Variants in CERT1 observed in about 807,000 individuals in gnomAD.
CERT1 encodes the protein ceramide transfer protein.
A neutral mutation model predicts 87.9 loss-of-function variants in CERT1; 31 were observed. The observed-to-expected ratio is 0.35, with a 90% CI of 0.27 to 0.48. The LOEUF (loss-of-function observed/expected upper bound fraction) is 0.48. CERT1 is among the 20% of genes least tolerant of loss of function. CERT1 has a pLI of 0.99. For missense variants in CERT1, 487 were observed against 758.0 expected (o/e 0.64, Z 4.20); for synonymous variants, 289 against 250.9 (o/e 1.15, Z -1.44).
chr5:75,474,266 G>C (rs1765855154), intron 2 of CERT1, among the ~76,000 whole-genome samples: 1 of 152,092 alleles, frequency 6.6e-6, no homozygotes, highest in Non-Finnish European at 1.5e-5. Flanking sequence ...TTAGTGTTGT[G>C]AGCCCTTAAA....
At chr5:75,385,306 C>T (rs1205049101) in intron 13 of CERT1, among the ~76,000 whole-genome samples, 2 of 152,060 alleles carry the variant, frequency 1.3e-5, no homozygotes, top group Non-Finnish European at 2.9e-5. Flanking sequence ...AACCCCGTCT[C>T]TACTAAAAAT....
At position 75,389,691 on chromosome 5, in the gene CERT1, G is replaced by C. The variant is rs1180594412; in HGVS notation, c.1189-4C>G. The C allele has an allele frequency of 6.2e-7, 1 of 1,610,128 alleles. No homozygotes were observed. The highest frequency in any genetic ancestry group is 8.5e-7 in the Non-Finnish European group (1 of 1,176,424). On this transcript the variant is annotated splice_polypyrimidine_tract_variant and splice_region_variant and intron_variant, in intron 11 of 16. Coordinates refer to ENST00000643780, the MANE Select transcript of CERT1 (RefSeq NM_001379029.1). ...GGTTCTGCACCATCTCTTCAACCTT[G>C]AGAAGGGAGGAAAAAGGCATGAGAA...
chr5:75,410,879 G>A (rs1762909011), intron 8 of CERT1, 132 bp downstream of exon 8: 1 of 479,154 alleles, frequency 2.1e-6, no homozygotes, highest in Non-Finnish European at 3.6e-6. Flanking sequence ...AATATACACT[G>A]AATTAACATA....
At chr5:75,435,961 A>G (rs1304941290) in intron 3 of CERT1, among the ~76,000 whole-genome samples, 1 of 152,050 alleles carries the variant, frequency 6.6e-6, no homozygotes, top group Non-Finnish European at 1.5e-5. Context: ...GTGTCCTCAT[A>G]TATTTGTGTA....
At chr5:75,478,095 C>T (rs1459030747) in intron 2 of CERT1, among the ~76,000 whole-genome samples, 1 of 151,978 alleles carries the variant, frequency 6.6e-6, no homozygotes, top group African/African-American at 2.4e-5. Context: ...GGCAGATCAC[C>T]TGAAGTCAGG....
chr5:75,420,046 G>A (rs1214674110), intron 5 of CERT1, among the ~76,000 whole-genome samples: 1 of 150,798 alleles, frequency 6.6e-6, no homozygotes, highest in East Asian at 2.0e-4. Flanking sequence ...GCATGGTCTC[G>A]GCTCACTGCA....
At chr5:75,410,239 C>T (rs988244736) in intron 8 of CERT1, among the ~76,000 whole-genome samples, 10 of 151,974 alleles carry the variant, frequency 6.6e-5, no homozygotes, top group Non-Finnish European at 1.0e-4. Flanking sequence ...AACAAATAAA[C>T]ACAAGGAGAA....
At chr5:75,429,175 G>GAATAATAAT (rs35760935) in intron 3 of CERT1, among the ~76,000 whole-genome samples, 37 of 143,844 alleles carry the variant, frequency 2.6e-4, no homozygotes, top group African/African-American at 7.7e-4. Flanking sequence ...AATAGAAACT[G>GAATAATAAT]AATAATAATA....
chr5:75,493,430 G>A (rs1766898584), intron 2 of CERT1, among the ~76,000 whole-genome samples: 1 of 152,132 alleles, frequency 6.6e-6, no homozygotes, highest in Non-Finnish European at 1.5e-5. Flanking sequence ...TACTCGCTTG[G>A]TGATTTGGAT....
intron 6 of CERT1, among the ~76,000 whole-genome samples, 188 bp from the exon 7 acceptor site, chr5:75,417,221 T>A (rs1763169126): frequency 6.6e-6 from 1 of 152,218 alleles, no homozygotes; most frequent in Non-Finnish European, 1.5e-5. Context: ...CGTGGCAGCA[T>A]ATGTACTTTC....
At chr5:75,411,310 T>C (rs1211901059) in intron 7 of CERT1, among the ~76,000 whole-genome samples, 1 of 152,092 alleles carries the variant, frequency 6.6e-6, no homozygotes, top group Non-Finnish European at 1.5e-5. Flanking sequence ...TATTTATGTA[T>C]GTATGTATGT....
In CERT1 at chr5:75,493,504, T is replaced by C. The variant is rs1303284430; in HGVS notation, c.231+12478A>G. 3.3e-5 allele frequency among the ~76,000 whole-genome samples: 5 copies of C among 152,252 alleles called. No homozygotes were observed. The East Asian group carries it at 9.6e-4, about 29-fold the overall frequency. On this transcript the variant is annotated intron_variant, in intron 2 of 16. Coordinates refer to ENST00000643780, the MANE Select transcript of CERT1 (RefSeq NM_001379029.1). ...AAGAATGTAGGCATCAGCCATTGCA[T>C]CTTAGTTTCCAGCACTGCTTTTGAG...
chr5:75,382,742 C>T (rs1055006161), intron 14 of CERT1, among the ~76,000 whole-genome samples: 12 of 151,246 alleles, frequency 7.9e-5, no homozygotes, highest in South Asian at 2.1e-4. Flanking sequence ...TGTTATGCAG[C>T]GTCATTCCTG....
intron 7 of CERT1, 22 bp downstream of exon 7, chr5:75,416,854 A>C: frequency 1.3e-6 from 2 of 1,561,342 alleles, no homozygotes; most frequent in South Asian, 2.4e-5. Flanking sequence ...TTATTTTTAA[A>C]AGGAAAAAAA....
chr5:75,383,955 G>A (rs1254050233), intron 14 of CERT1, among the ~76,000 whole-genome samples: 1 of 152,084 alleles, frequency 6.6e-6, no homozygotes, highest in African/African-American at 2.4e-5. Flanking sequence ...AAGGTGAAAG[G>A]GAGCTAACTT....
intron 3 of CERT1, among the ~76,000 whole-genome samples, chr5:75,426,872 CA>C (rs1211756627): frequency 2.6e-5 from 4 of 152,164 alleles, no homozygotes; most frequent in Non-Finnish European, 4.4e-5. Context: ...GACGGTTGAA[CA>C]ATAGTGTGAA....
At chr5:75,425,540 A>C in intron 4 of CERT1, 41 bp from the exon 5 acceptor site, 2 of 1,600,564 alleles carry the variant, frequency 1.2e-6, no homozygotes, top group Non-Finnish European at 1.7e-6. Flanking sequence ...CAAGTAAAAC[A>C]AAACTGGATT....
chr5:75,463,281 T>C (rs1401818615), intron 2 of CERT1, among the ~76,000 whole-genome samples: 1 of 152,168 alleles, frequency 6.6e-6, no homozygotes, highest in Admixed American at 6.5e-5. Flanking sequence ...CCAAACCCTC[T>C]ACCCCACAAT....
At chr5:75,444,559 T>TC (rs1421191977) in intron 3 of CERT1, among the ~76,000 whole-genome samples, 1 of 148,854 alleles carries the variant, frequency 6.7e-6, no homozygotes, top group East Asian at 1.9e-4. Context: ...TTTTTTTTTT[T>TC]TTTTTTTGAG....
Sources: allele counts gnomAD v4.1 joint callset (sites outside exome capture counted in the v4.1 genomes callset), GRCh38; gene constraint gnomAD v4.1.1; transcripts MANE v1.5; gene names NCBI Gene and HGNC (gene_info 2026-07-23, HGNC 2026-07-21).